LHFPL4: variants seen among roughly 807,000 people sequenced by gnomAD.
The protein encoded by LHFPL4 is LHFPL tetraspan subfamily member 4 protein.
A neutral mutation model predicts 20.0 loss-of-function variants in LHFPL4; 6 were observed. The ratio of observed to expected loss-of-function variants is 0.30; its 90% confidence interval spans 0.16 to 0.59. The LOEUF is 0.59. Ranked by LOEUF, LHFPL4 falls within the 20% of genes least tolerant of loss-of-function variation. The pLI is 0.88. For missense variants in LHFPL4, 215 were observed against 331.2 expected (o/e 0.65, Z 2.72); for synonymous variants, 129 against 143.8 (o/e 0.90, Z 0.74).
In LHFPL4 at chr3:9,500,940, AAC is replaced by A. The variant is rs75887447; in HGVS notation, c.*1269_*1270del. 30,340 of 150,766 alleles carry A rather than the reference AAC, an allele frequency of 0.2. 3,440 individuals are homozygous for A. Among genetic ancestry groups the A allele is most frequent in the African/African-American group, 0.29 (12,005 of 41,258 alleles). The allele number at this position is 150,766 out of a possible 1,614,324, so 9.3% of individuals were successfully genotyped here. On this transcript the variant is annotated 3_prime_UTR_variant, in exon 4 of 4. Transcript: ENST00000287585. ...GGGAGAAACTTCTCACCTGTCCCCCAACACACACACACACACACACGCTCACA... is the reference window on the plus strand; with the variant it reads ...GGGAGAAACTTCTCACCTGTCCCCCAACACACACACACACACACGCTCACA...
At chr3:9,526,420 G>A (rs941979144) in intron 2 of LHFPL4, among the ~76,000 whole-genome samples, 11 of 152,074 alleles carry the variant, frequency 7.2e-5, no homozygotes, top group South Asian at 2.1e-4. Flanking sequence ...AAGAAAATGC[G>A]GGAAAAAAGA....
intron 2 of LHFPL4, among the ~76,000 whole-genome samples, chr3:9,531,851 TTCAAAGGAAGATTAC>T (rs1372137391): frequency 6.7e-6 from 1 of 148,868 alleles, no homozygotes; most frequent in African/African-American, 2.5e-5. Context: ...TAAAGGAGAG[TTCAAAGGAAGATTAC>T]TTGAGTTTAG....
At chr3:9,527,298 G>A (rs1454769204) in intron 2 of LHFPL4, among the ~76,000 whole-genome samples, 3 of 152,116 alleles carry the variant, frequency 2.0e-5, no homozygotes, top group Admixed American at 1.3e-4. Context: ...ACCAGGCATC[G>A]TGGCTCATGC....
At chr3:9,522,290 G>A (rs983674672) in intron 2 of LHFPL4, among the ~76,000 whole-genome samples, 7 of 151,946 alleles carry the variant, frequency 4.6e-5, no homozygotes, top group East Asian at 1.9e-4. Context: ...CACTGTGCCC[G>A]GCCAAGTACC....
rs151173595 is a variant in LHFPL4, at chr3:9,515,222, G to A, written c.407-9019C>T. ...AAGTATGTAGTGCTATCTCATTGTT[G>A]TTTGAAACTGTATTTCCCAGATGCA... On this transcript the variant is annotated intron_variant, in intron 2 of 3. Transcript: ENST00000287585. 1.4e-3 allele frequency among the ~76,000 whole-genome samples: 210 copies of A among 152,244 alleles called. 2 individuals carry two copies. Among genetic ancestry groups the A allele is most frequent in the South Asian group, 0.013 (62 of 4,824 alleles).
chr3:9,498,540 A>G lies in LHFPL4; in HGVS notation c.*3671T>C, dbSNP rs1193030747. The stretch of plus-strand genomic sequence containing the variant: ...ATAGACAACACCAAGCTATCCTAAC[A>G]GCACACAGCACAGGCCCTCGGAGGC... On this transcript the variant is annotated 3_prime_UTR_variant, in exon 4 of 4. Coordinates refer to ENST00000287585, the MANE Select transcript of LHFPL4 (RefSeq NM_198560.3). 1 of 152,734 alleles carries G rather than the reference A, an allele frequency of 6.5e-6. No homozygotes were observed. The highest frequency in any genetic ancestry group is 1.5e-5 in the Non-Finnish European group (1 of 68,096). The allele number at this position is 152,734 out of a possible 1,614,324, so 9.5% of individuals were successfully genotyped here. A position where few individuals can be genotyped will look rare whatever the true frequency, so the allele number is the denominator to read the frequency against.
intron 2 of LHFPL4, among the ~76,000 whole-genome samples, chr3:9,542,806 C>CAAAA (rs148495276): frequency 3.2e-4 from 25 of 78,470 alleles, no homozygotes; most frequent in African/African-American, 1.1e-3. Context: ...GGCCCTATCT[C>CAAAA]AAAAAAAAAA....
chr3:9,509,246 C>CT (rs1360708289), intron 2 of LHFPL4, among the ~76,000 whole-genome samples: 1 of 146,766 alleles, frequency 6.8e-6, no homozygotes, highest in Non-Finnish European at 1.5e-5. Flanking sequence ...TTCGCACCCC[C>CT]CTCTCTCTCT....
chr3:9,499,718 C>T lies in LHFPL4; in HGVS notation c.*2493G>A, dbSNP rs2046157126. The stretch of plus-strand genomic sequence containing the variant: ...TGAAAGGTCAGTTCTATCCCCCGCA[C>T]CAGGGCACAGGTTTGGTGGGTGTCC... On this transcript the variant is annotated 3_prime_UTR_variant, in exon 4 of 4. Transcript: ENST00000287585. 1 of 152,254 alleles carries T rather than the reference C, an allele frequency of 6.6e-6. No homozygotes were observed. Among genetic ancestry groups the T allele is most frequent in the African/African-American group, 2.4e-5 (1 of 41,412 alleles). 9.4% of individuals were successfully genotyped at this position (152,254 alleles called of 1,614,324 possible).
At chr3:9,502,760 C>A (rs2046186464) in intron 3 of LHFPL4, among the ~76,000 whole-genome samples, 1 of 151,860 alleles carries the variant, frequency 6.6e-6, no homozygotes, top group Non-Finnish European at 1.5e-5. Flanking sequence ...CGCTGAAATC[C>A]TAGCCTCACC....
chr3:9,553,181 T>G (rs2046568464), intron 1 of LHFPL4, among the ~76,000 whole-genome samples: 1 of 149,428 alleles, frequency 6.7e-6, no homozygotes, highest in Non-Finnish European at 1.5e-5. Context: ...GAAGGAGGTC[T>G]GGTATTGGGT....
Position 9,506,797 on chromosome 3 carries a change from T to C in LHFPL4, c.407-594A>G, listed in dbSNP as rs970395857. Among the ~76,000 whole-genome samples, 3 of 152,256 alleles carry C rather than the reference T, an allele frequency of 2.0e-5. No homozygotes were observed. Among genetic ancestry groups the C allele is most frequent in the African/African-American group, 7.2e-5 (3 of 41,550 alleles). Reference sequence around the variant, plus strand: ...GGTTTCACCATGTTGGCCAGGCTGGTCTCGAACTCCTAACCTCAAGTGATC... The same window carrying C: ...GGTTTCACCATGTTGGCCAGGCTGGCCTCGAACTCCTAACCTCAAGTGATC... On this transcript the variant is annotated intron_variant, in intron 2 of 3. Transcript: ENST00000287585. This position sits in a 1 kb window ranked among gnomAD's most constrained non-coding sequence, Gnocchi z 4.5.
rs147129067 is a variant in LHFPL4 at position 9,505,939 on chromosome 3, G to A, written c.643+28C>T. ...CCCAGGACCAGGCCTGGCTCCCGCCGCTGCCCCCCAGCCCACAGCACACTC... is the reference window on the plus strand; with the variant it reads ...CCCAGGACCAGGCCTGGCTCCCGCCACTGCCCCCCAGCCCACAGCACACTC... On this transcript the variant is annotated intron_variant, in intron 3 of 3. Coordinates refer to ENST00000287585, the MANE Select transcript of LHFPL4 (RefSeq NM_198560.3). The A allele has an allele frequency of 1.4e-3, 2,256 of 1,597,410 alleles. 5 individuals are homozygous for A. The highest frequency in any genetic ancestry group is 1.8e-3 in the Non-Finnish European group (2,090 of 1,165,410).
chr3:9,518,467 G>A (rs2046317471), intron 2 of LHFPL4, among the ~76,000 whole-genome samples: 1 of 152,134 alleles, frequency 6.6e-6, no homozygotes, highest in Non-Finnish European at 1.5e-5. Flanking sequence ...TTCTGAAAGA[G>A]AATGTAGAGA....
Position 9,500,969 on chromosome 3 carries a change from GCGCACACACA to G in LHFPL4, c.*1232_*1241del, listed in dbSNP as rs1408655017. On this transcript the variant is annotated 3_prime_UTR_variant, in exon 4 of 4. Coordinates refer to ENST00000287585, the MANE Select transcript of LHFPL4 (RefSeq NM_198560.3). ...CACACACACACACACACGCTCACAC[GCGCACACACA>G]CGCACACACATTTCACCCACATACA... 1 of 152,854 alleles carries G rather than the reference GCGCACACACA, an allele frequency of 6.5e-6. No homozygotes were observed. Among genetic ancestry groups the G allele is most frequent in the Non-Finnish European group, 1.5e-5 (1 of 68,580 alleles). The allele number at this position is 152,854 out of a possible 1,614,324, so 9.5% of individuals were successfully genotyped here. A position where few individuals can be genotyped will look rare whatever the true frequency, so the allele number is the denominator to read the frequency against.
chr3:9,513,731 CAT>C (rs982393075), intron 2 of LHFPL4, among the ~76,000 whole-genome samples: 4 of 152,138 alleles, frequency 2.6e-5, no homozygotes, highest in Non-Finnish European at 5.9e-5. Context: ...AATTTTGTAT[CAT>C]GTGTATTTAT....
intron 2 of LHFPL4, among the ~76,000 whole-genome samples, chr3:9,531,285 G>A (rs955109893): frequency 1.3e-5 from 2 of 152,278 alleles, no homozygotes; most frequent in Admixed American, 6.5e-5. Flanking sequence ...AAATAGTTCC[G>A]ACAGACTTGA....
chr3:9,501,883 C>T lies in LHFPL4; in HGVS notation c.*328G>A. On this transcript the variant is annotated 3_prime_UTR_variant, in exon 4 of 4. Transcript: ENST00000287585. Reference sequence around the variant, plus strand: ...GAGGGGGCCTGGGGAGCTGGAACTACAGCTCCGCTCTCCCTGGGGATCTGC... The same window carrying T: ...GAGGGGGCCTGGGGAGCTGGAACTATAGCTCCGCTCTCCCTGGGGATCTGC... 1 of 285,498 alleles carries T rather than the reference C, an allele frequency of 3.5e-6. No homozygotes were observed. Among genetic ancestry groups the T allele is most frequent in the Non-Finnish European group, 6.6e-6 (1 of 152,106 alleles). 17.7% of individuals were successfully genotyped at this position (285,498 alleles called of 1,614,324 possible).
At chr3:9,510,658 C>T (rs1318496484) in intron 2 of LHFPL4, among the ~76,000 whole-genome samples, 1 of 151,814 alleles carries the variant, frequency 6.6e-6, no homozygotes, top group Non-Finnish European at 1.5e-5. Flanking sequence ...TGTTGAGTGG[C>T]CCGGCGCGAT....
Sources: gnomAD v4.1 joint callset for allele counts (sites outside exome capture counted in the v4.1 genomes callset) on GRCh38, gnomAD v4.1.1 for gene constraint, Gnocchi (gnomAD v3.1) non-coding constraint, MANE v1.5 for transcripts, NCBI Gene and HGNC (gene_info 2026-07-23, HGNC 2026-07-21) for gene names.